Variants in COL6A6 observed in about 807,000 individuals in gnomAD.
COL6A6 encodes the protein collagen alpha-6(VI) chain.
A neutral mutation model predicts 208.6 loss-of-function variants in COL6A6; 183 were observed. The observed-to-expected ratio is 0.88, with a 90% CI of 0.78 to 0.99. COL6A6 has a LOEUF of 0.99. COL6A6 is among the 50% of genes least tolerant of loss of function. COL6A6 has a pLI of 0.00. For missense variants in COL6A6, 2,816 were observed against 2,815.2 expected (o/e 1.00, Z -0.01); for synonymous variants, 973 against 1,011.8 (o/e 0.96, Z 0.73).
chr3:130,641,806 C>T (rs1414613014), intron 29 of COL6A6, 92 bp downstream of exon 29: 2 of 636,678 alleles, frequency 3.1e-6, no homozygotes, highest in Non-Finnish European at 5.3e-6. Flanking sequence ...AATGTGCATG[C>T]CTTCTGTCTC....
chr3:130,635,801 A>G (rs773397497), intron 28 of COL6A6, 40 bp downstream of exon 28: 27 of 1,400,002 alleles, frequency 1.9e-5, no homozygotes, highest in Non-Finnish European at 2.7e-5. Context: ...ACCTCACTAC[A>G]TTGGGAAGTC....
chr3:130,626,642 A>G (rs2064895074), intron 25 of COL6A6, 95 bp downstream of exon 25: 1 of 840,318 alleles, frequency 1.2e-6, no homozygotes, highest in Admixed American at 1.9e-5. Context: ...TTAAGGATAC[A>G]ATCCTCATGA....
intron 26 of COL6A6, among the ~76,000 whole-genome samples, chr3:130,634,302 A>G (rs531480971): frequency 6.6e-5 from 10 of 151,352 alleles, no homozygotes; most frequent in Admixed American, 5.2e-4. Context: ...ATGACCACCT[A>G]TGCGGTTATA....
chr3:130,616,373 C>T (rs545638694), intron 23 of COL6A6, among the ~76,000 whole-genome samples: 1 of 151,998 alleles, frequency 6.6e-6, no homozygotes, highest in Non-Finnish European at 1.5e-5. Context: ...AACTGGCATT[C>T]TGTATAAATC....
chr3:130,639,010 G>A (rs2108352709), intron 28 of COL6A6, among the ~76,000 whole-genome samples: 1 of 152,266 alleles, frequency 6.6e-6, no homozygotes, highest in South Asian at 2.1e-4. Context: ...TTATTTTGAT[G>A]ATTTCTTGCC....
At chr3:130,588,786 C>A (rs539405689) in intron 11 of COL6A6, among the ~76,000 whole-genome samples, 1 of 152,028 alleles carries the variant, frequency 6.6e-6, no homozygotes, top group East Asian at 1.9e-4. Flanking sequence ...GACAGACAAC[C>A]ACATCAGTTG....
chr3:130,639,514 C>A (rs9821658), intron 28 of COL6A6, among the ~76,000 whole-genome samples: 55,466 of 151,580 alleles, frequency 0.37, 13,229 homozygotes, highest in African/African-American at 0.66. Flanking sequence ...GCAACATGGC[C>A]AAACCCCATC....
chr3:130,594,140 G>A lies in COL6A6; in HGVS notation c.4471-141G>A, dbSNP rs1171013348. 16 of 667,618 alleles carry A rather than the reference G, an allele frequency of 2.4e-5. 1 individual carries two copies. The highest frequency in any genetic ancestry group is 7.8e-5 in the South Asian group (4 of 51,020). The allele number at this position is 667,618 out of a possible 1,614,324, so 41.4% of individuals were successfully genotyped here. On this transcript the variant is annotated intron_variant, in intron 17 of 36. Transcript: ENST00000358511. ...TATGGTGCTTGAAACTAATTTTTTC[G>A]GTTGTTCATCTTTCCAGCTTAAAAA...
intron 1 of COL6A6, among the ~76,000 whole-genome samples, chr3:130,543,998 A>G (rs1047139408): frequency 6.6e-6 from 1 of 152,198 alleles, no homozygotes; most frequent in Non-Finnish European, 1.5e-5. Flanking sequence ...TTAATATATC[A>G]TTCATCTAAC....
At chr3:130,602,846 A>T (rs1353295711) in intron 20 of COL6A6, among the ~76,000 whole-genome samples, 1 of 152,134 alleles carries the variant, frequency 6.6e-6, no homozygotes, top group Non-Finnish European at 1.5e-5. Context: ...TGATTTAAAA[A>T]TTTTTTTCTG....
Position 130,566,926 on chromosome 3 carries a change from A to G in COL6A6, c.1507A>G (p.Ile503Val). Reference sequence around the variant, plus strand: ...CAACAAGCAGGATTTGGGAAAGGCCATTGAGAATATCAGGCAGATGGGTGG... The same window carrying G: ...CAACAAGCAGGATTTGGGAAAGGCCGTTGAGAATATCAGGCAGATGGGTGG... Reference protein sequence around the residue: ...YSNKQDLGKAIENIRQMGGNT... With the variant: ...YSNKQDLGKAVENIRQMGGNT... The change falls in exon 5 of 37, where the codon ATT becomes GTT. Residue 503 changes from isoleucine (I) to valine (V), a missense_variant. Transcript: ENST00000358511. 2 of 1,613,960 alleles carry G rather than the reference A, an allele frequency of 1.2e-6. No individual in the cohort carries two copies. Among genetic ancestry groups the G allele is most frequent in the Non-Finnish European group, 1.7e-6 (2 of 1,179,808 alleles).
rs549039155 is a variant in COL6A6 at position 130,588,714 on chromosome 3, G to A, written c.4126-376G>A. Among the ~76,000 whole-genome samples the A allele has an allele frequency of 2.0e-5, 3 of 152,104 alleles. No homozygotes were observed. In the South Asian group the frequency reaches 6.2e-4, roughly 32 times the overall value. ...TTCATTTTATTGAACAAAATATTTG[G>A]GGCAGAAATATATAGGGAAATCGAC... On this transcript the variant is annotated intron_variant, in intron 11 of 36. Transcript: ENST00000358511.
At chr3:130,643,229 A>C (rs1010738038) in intron 31 of COL6A6, among the ~76,000 whole-genome samples, 3 of 152,356 alleles carry the variant, frequency 2.0e-5, no homozygotes, top group Non-Finnish European at 4.4e-5. Flanking sequence ...TCAAGCAGTA[A>C]GAAATAATCT....
chr3:130,647,198 G>C (rs2065485833), intron 32 of COL6A6, among the ~76,000 whole-genome samples: 1 of 152,134 alleles, frequency 6.6e-6, no homozygotes, highest in Non-Finnish European at 1.5e-5. Flanking sequence ...TCCAGCCTAG[G>C]CTTCTTCAGA....
chr3:130,521,943 C>G (rs1244611713), intron 1 of COL6A6, among the ~76,000 whole-genome samples: 2 of 152,170 alleles, frequency 1.3e-5, no homozygotes, highest in Non-Finnish European at 2.9e-5. Context: ...TTTCCCTTCT[C>G]TGTCTCACTT....
rs778586726 is a variant in COL6A6, at chr3:130,649,269, C to T, written c.5440C>T (p.Arg1814Cys). 5.7e-5 allele frequency: 91 copies of T among 1,600,500 alleles called. No individual in the cohort carries two copies. Among genetic ancestry groups the T allele is most frequent in the Non-Finnish European group, 2.6e-5 (30 of 1,173,654 alleles). The stretch of plus-strand genomic sequence containing the variant: ...TAACTCCCACGCCAGGCACCTTGTG[C>T]GCTTCTCAGACGCCTACAAGAAGAG... ...SYNSHARHLV[R>C]FSDAYKKSQL... Residue 1814 changes from arginine to cysteine, a missense_variant, in exon 33 of 37, where the codon CGC becomes TGC. Arg to Cys is a radical substitution (Grantham distance 180, BLOSUM62 -3). Transcript: ENST00000358511.
chr3:130,587,126 A>G (rs190977042), intron 11 of COL6A6, among the ~76,000 whole-genome samples: 6 of 152,340 alleles, frequency 3.9e-5, no homozygotes, highest in African/African-American at 9.6e-5. Context: ...AAAGCAAATT[A>G]CATTTGGAGT....
At chr3:130,550,400 T>C (rs965379726) in intron 1 of COL6A6, among the ~76,000 whole-genome samples, 4 of 152,216 alleles carry the variant, frequency 2.6e-5, no homozygotes, top group Non-Finnish European at 5.9e-5. Flanking sequence ...AGGGGAATGC[T>C]TCCAGCTTTC....
intron 1 of COL6A6, among the ~76,000 whole-genome samples, chr3:130,536,799 A>G (rs571559208): frequency 1.3e-5 from 2 of 152,334 alleles, no homozygotes; most frequent in East Asian, 3.9e-4. Context: ...AGTAGATGTG[A>G]AACTATCTCA....
Sources: allele counts gnomAD v4.1 joint callset (sites outside exome capture counted in the v4.1 genomes callset), GRCh38; gene constraint gnomAD v4.1.1; transcripts MANE v1.5; gene names NCBI Gene and HGNC (gene_info 2026-07-23, HGNC 2026-07-21).